Variants in ADCY9 observed in about 807,000 individuals in gnomAD.
The protein encoded by ADCY9 is adenylate cyclase type 9.
Under a neutral mutation model 101.5 loss-of-function variants are expected in ADCY9, and 50 were observed. The observed-to-expected ratio is 0.49, with a 90% CI of 0.39 to 0.62. The LOEUF (loss-of-function observed/expected upper bound fraction) is 0.62. ADCY9 is among the 20% of genes least tolerant of loss of function. The probability of loss-of-function intolerance (pLI) is 0.00; values close to 1 mark genes in which losing one functional copy is unlikely to be tolerated. For synonymous variants in ADCY9, 905 were observed against 769.3 expected (o/e 1.18, Z -2.92); for missense variants, 1,662 against 1,800.4 (o/e 0.92, Z 1.39).
intron 5 of ADCY9, among the ~76,000 whole-genome samples, chr16:3,953,782 G>A (rs2055893648): frequency 6.6e-6 from 1 of 152,208 alleles, no homozygotes. Flanking sequence ...TGCTTGAACC[G>A]CCGTCACCCC....
chr16:3,971,103 T>A (rs1169482552), intron 10 of ADCY9, among the ~76,000 whole-genome samples: 2 of 152,064 alleles, frequency 1.3e-5, no homozygotes, highest in Admixed American at 6.6e-5. Flanking sequence ...AAGTCTGGAA[T>A]TTAGGCACGT....
At chr16:4,095,271 G>A (rs1040854948) in intron 2 of ADCY9, among the ~76,000 whole-genome samples, 32 of 152,160 alleles carry the variant, frequency 2.1e-4, no homozygotes, top group African/African-American at 6.8e-4. Context: ...AAAGTGCTGC[G>A]ATTACAGGCG....
chr16:4,009,428 TC>T (rs538495281), intron 2 of ADCY9, among the ~76,000 whole-genome samples: 1 of 152,274 alleles, frequency 6.6e-6, no homozygotes, highest in South Asian at 2.1e-4. Context: ...ACTATTTCTT[TC>T]TTTCTTTTTT....
At position 4,015,226 on chromosome 16, in the gene ADCY9, C is replaced by T. The variant is rs1388368848; in HGVS notation, c.1694-7668G>A. ...AAAGTGCTGGGATTACAGGCGTGAG[C>T]GACCGTGCCTGGCTTGGCTTCTTAT... On this transcript the variant is annotated intron_variant, in intron 2 of 10. Coordinates refer to ENST00000294016, the MANE Select transcript of ADCY9 (RefSeq NM_001116.4). Among the ~76,000 whole-genome samples the T allele has an allele frequency of 5.3e-5, 8 of 152,046 alleles. No individual in the cohort carries two copies. The South Asian group carries it at 8.3e-4, about 16-fold the overall frequency.
At chr16:4,094,042 A>T (rs1567145411) in intron 2 of ADCY9, among the ~76,000 whole-genome samples, 1 of 152,144 alleles carries the variant, frequency 6.6e-6, no homozygotes, top group South Asian at 2.1e-4. Flanking sequence ...GATACCTTAG[A>T]CTCATCAGCC....
At chr16:3,997,009 C>T (rs941284461) in intron 3 of ADCY9, among the ~76,000 whole-genome samples, 19 of 152,072 alleles carry the variant, frequency 1.2e-4, no homozygotes, top group Admixed American at 2.0e-4. Flanking sequence ...GGATTACAGG[C>T]GCCCACCACC....
At chr16:4,046,877 G>A (rs977409223) in intron 2 of ADCY9, among the ~76,000 whole-genome samples, 2 of 152,036 alleles carry the variant, frequency 1.3e-5, no homozygotes, top group African/African-American at 4.8e-5. Context: ...AAGTGTGCTG[G>A]CATGCACCTG....
intron 10 of ADCY9, among the ~76,000 whole-genome samples, chr16:3,969,700 G>A (rs945963769): frequency 4.3e-5 from 6 of 141,142 alleles, no homozygotes; most frequent in African/African-American, 1.6e-4. Context: ...CTGCAGCTTT[G>A]ACCTCCCAGG....
At chr16:4,022,467 G>A (rs1046158678) in intron 2 of ADCY9, among the ~76,000 whole-genome samples, 2 of 120,096 alleles carry the variant, frequency 1.7e-5, no homozygotes, top group South Asian at 2.7e-4. Context: ...CTCCAGCCTG[G>A]GCACCAGAGC....
intron 2 of ADCY9, among the ~76,000 whole-genome samples, chr16:4,014,656 C>T (rs574077047): frequency 2.0e-5 from 3 of 152,022 alleles, no homozygotes; most frequent in Non-Finnish European, 4.4e-5. Flanking sequence ...CCATGCTGGA[C>T]AGGCTGGTCT....
At chr16:4,015,331 C>G (rs1346135511) in intron 2 of ADCY9, among the ~76,000 whole-genome samples, 2 of 152,014 alleles carry the variant, frequency 1.3e-5, no homozygotes, top group East Asian at 3.9e-4. Flanking sequence ...GTCCAGGAGT[C>G]CACACACTTC....
chr16:3,968,749 G>A (rs577074983), intron 10 of ADCY9, among the ~76,000 whole-genome samples: 4 of 152,102 alleles, frequency 2.6e-5, no homozygotes, highest in African/African-American at 7.2e-5. Flanking sequence ...ATCTTTGTGC[G>A]TATGGAAGTG....
chr16:4,084,499 G>A (rs2056925205), intron 2 of ADCY9, among the ~76,000 whole-genome samples: 1 of 152,052 alleles, frequency 6.6e-6, no homozygotes, highest in Non-Finnish European at 1.5e-5. Flanking sequence ...GCCAAGGTGG[G>A]GGTATTGCTT....
At chr16:3,988,721 A>G in intron 6 of ADCY9, among the ~76,000 whole-genome samples, 1 of 151,886 alleles carries the variant, frequency 6.6e-6, no homozygotes, top group African/African-American at 2.4e-5. Flanking sequence ...GCCCCTTCCA[A>G]GGCTGGGGAT....
intron 2 of ADCY9, among the ~76,000 whole-genome samples, chr16:4,037,967 G>A (rs1488826229): frequency 1.3e-5 from 2 of 152,160 alleles, no homozygotes; most frequent in African/African-American, 2.4e-5. Flanking sequence ...ACTTCATCAC[G>A]AAGGGATGGT....
intron 2 of ADCY9, among the ~76,000 whole-genome samples, chr16:4,039,182 G>C (rs923679597): frequency 1.3e-5 from 2 of 152,022 alleles, no homozygotes; most frequent in Non-Finnish European, 2.9e-5. Flanking sequence ...TTCACTACCA[G>C]GCCCCAAGCC....
chr16:4,066,001 G>A (rs2056799041), intron 2 of ADCY9, among the ~76,000 whole-genome samples: 1 of 152,196 alleles, frequency 6.6e-6, no homozygotes, highest in Admixed American at 6.5e-5. Flanking sequence ...TCCGCGCCTG[G>A]ACTAAGGCCC....
chr16:4,113,692 T>A (rs538267425), intron 2 of ADCY9, 58 bp downstream of exon 2: 191 of 1,530,688 alleles, frequency 1.2e-4, no homozygotes, highest in Middle Eastern at 8.7e-4. Flanking sequence ...CTTTTTTTTT[T>A]AATTTAATAC....
At chr16:4,056,674 G>A (rs1047932746) in intron 2 of ADCY9, among the ~76,000 whole-genome samples, 6 of 152,222 alleles carry the variant, frequency 3.9e-5, no homozygotes, top group Non-Finnish European at 5.9e-5. Context: ...TGCGTGATCC[G>A]AAGGGGCAGA....
Sources: allele counts gnomAD v4.1 joint callset (sites outside exome capture counted in the v4.1 genomes callset), GRCh38; gene constraint gnomAD v4.1.1; transcripts MANE v1.5; gene names NCBI Gene and HGNC (gene_info 2026-07-23, HGNC 2026-07-21).